PRR15L: variants seen among roughly 807,000 people sequenced by gnomAD.
PRR15L encodes the protein proline-rich protein 15-like protein.
In PRR15L, 1 loss-of-function variant was observed where a neutral mutation model predicts 3.7. The observed-to-expected ratio is 0.27, with a 90% CI of 0.09 to 1.27. The LOEUF (loss-of-function observed/expected upper bound fraction) is 1.27, where lower values mean the gene tolerates loss of function less well. Ranked by LOEUF, PRR15L falls within the 50% of genes most tolerant of loss-of-function variation. The probability of loss-of-function intolerance (pLI) is 0.47; values close to 1 mark genes in which losing one functional copy is unlikely to be tolerated. For missense variants in PRR15L, 127 were observed against 128.7 expected (o/e 0.99, Z 0.06); for synonymous variants, 57 against 51.9 (o/e 1.10, Z -0.42).
rs2036144128 is a variant in PRR15L at position 47,957,641 on chromosome 17, A to G, written c.-30+16T>C. 1 of 152,356 alleles carries G rather than the reference A, an allele frequency of 6.6e-6. No homozygotes were observed. Among genetic ancestry groups the G allele is most frequent in the African/African-American group, 2.4e-5 (1 of 41,462 alleles). 9.4% of individuals were successfully genotyped at this position (152,356 alleles called of 1,614,324 possible). ...CTATGCCTTGGTTTCCCCACCCACC[A>G]GCCCTCTGCCTGTACCTGTAATCCC... On this transcript the variant is annotated intron_variant, in intron 1 of 1. Transcript: ENST00000300557.
chr17:47,955,909 A>G (rs947762730), intron 1 of PRR15L, among the ~76,000 whole-genome samples: 4 of 152,228 alleles, frequency 2.6e-5, no homozygotes, highest in Admixed American at 2.6e-4. Flanking sequence ...TCCTGAGACT[A>G]TCATAACCAC....
intron 1 of PRR15L, among the ~76,000 whole-genome samples, chr17:47,955,463 GT>G (rs2036118759): frequency 6.6e-6 from 1 of 151,896 alleles, no homozygotes; most frequent in African/African-American, 2.4e-5. Context: ...CACACAGCCG[GT>G]GGATTCCTTC....
chr17:47,953,509 A>AAT (rs2036096222), intron 1 of PRR15L, among the ~76,000 whole-genome samples: 1 of 152,000 alleles, frequency 6.6e-6, no homozygotes, highest in African/African-American at 2.4e-5. Flanking sequence ...AAATACAAAA[A>AAT]TTAGCTGGGC....
At chr17:47,955,617 C>T (rs1400124612) in intron 1 of PRR15L, among the ~76,000 whole-genome samples, 2 of 152,228 alleles carry the variant, frequency 1.3e-5, no homozygotes, top group African/African-American at 4.8e-5. Flanking sequence ...TCCATAAATA[C>T]TTCCAGGGCA....
At chr17:47,953,487 C>T (rs1051777746) in intron 1 of PRR15L, among the ~76,000 whole-genome samples, 4 of 151,966 alleles carry the variant, frequency 2.6e-5, no homozygotes, top group South Asian at 4.2e-4. Context: ...GGTGAAATCC[C>T]GGCTCTACTA....
rs397802170 is a variant in PRR15L at position 47,953,283 on chromosome 17, G to GA, written c.-29-21dup. 5 of 1,469,790 alleles carry GA rather than the reference G, an allele frequency of 3.4e-6. No individual in the cohort carries two copies. The highest frequency in any genetic ancestry group is 2.7e-5 in the South Asian group (2 of 74,966). The allele number at this position is 1,469,790 out of a possible 1,614,324, so 91.0% of individuals were successfully genotyped here. Reference sequence around the variant, plus strand: ...GGCTTTCTGCTGGAGCAGGGTGGGGGAGACAAAGGGGTCAGTGGGAAAAGG... The same window carrying GA: ...GGCTTTCTGCTGGAGCAGGGTGGGGGAAGACAAAGGGGTCAGTGGGAAAAGG... On this transcript the variant is annotated intron_variant, in intron 1 of 1. Coordinates refer to ENST00000300557, the MANE Select transcript of PRR15L (RefSeq NM_024320.4).
At chr17:47,957,188 C>T (rs1389644155) in intron 1 of PRR15L, among the ~76,000 whole-genome samples, 1 of 152,248 alleles carries the variant, frequency 6.6e-6, no homozygotes, top group Non-Finnish European at 1.5e-5. Flanking sequence ...AGCCAGGCCC[C>T]TCCTGAGCTG....
intron 1 of PRR15L, among the ~76,000 whole-genome samples, chr17:47,953,681 A>G (rs1475896236): frequency 1.3e-5 from 2 of 151,852 alleles, no homozygotes; most frequent in Non-Finnish European, 2.9e-5. Context: ...AGAAAGAAGA[A>G]GAAGAAGAAG....
At chr17:47,954,934 CTT>C (rs1186644182) in intron 1 of PRR15L, among the ~76,000 whole-genome samples, 11 of 133,620 alleles carry the variant, frequency 8.2e-5, no homozygotes, top group Non-Finnish European at 6.4e-5. Flanking sequence ...TTTTTTTTTT[CTT>C]TTTTTTTTTT....
At position 47,955,369 on chromosome 17, in the gene PRR15L, A is replaced by C. The variant is rs1598207350; in HGVS notation, c.-29-2106T>G. 3.3e-5 allele frequency among the ~76,000 whole-genome samples: 5 copies of C among 152,204 alleles called. No homozygotes were observed. The South Asian group carries it at 1.0e-3, about 32-fold the overall frequency. ...TTTAGGAAAGAGGAGAGCACGACGC[A>C]GGCCTAGACTTTACGATGAGCTGAA... On this transcript the variant is annotated intron_variant, in intron 1 of 1. Coordinates refer to ENST00000300557, the MANE Select transcript of PRR15L (RefSeq NM_024320.4).
chr17:47,953,118 G>T lies in PRR15L; in HGVS notation c.117C>A (p.Pro39=). The T allele has an allele frequency of 6.2e-7, 1 of 1,614,140 alleles. No homozygotes were observed. Among genetic ancestry groups the T allele is most frequent in the Non-Finnish European group, 8.5e-7 (1 of 1,180,016 alleles). ...TGGGGCCTCCAGCGTCAGGCCTCGG[G>T]GGTTCTGCATCTCCCTCTGTTTGGG... ...TYAQTEGDAE[P]PRPDAGGPNS... The change falls in exon 2 of 2, where the codon CCC becomes CCA. Residue 39 remains proline, a synonymous_variant. Coordinates refer to ENST00000300557, the MANE Select transcript of PRR15L (RefSeq NM_024320.4).
At chr17:47,955,432 T>C (rs1367627201) in intron 1 of PRR15L, among the ~76,000 whole-genome samples, 1 of 151,994 alleles carries the variant, frequency 6.6e-6, no homozygotes, top group East Asian at 1.9e-4. Flanking sequence ...GGTCTCCTGC[T>C]CCCCACCCCC....
In PRR15L at chr17:47,952,784, A is replaced by G. The variant is rs2036081693; in HGVS notation, c.*139T>C. On this transcript the variant is annotated 3_prime_UTR_variant, in exon 2 of 2. Transcript: ENST00000300557. ...TGGCGGCACATAAATACAAACCTAA[A>G]AAACAGCCATTTCCTGCCAGCAGGT... 2.3e-6 allele frequency: 2 copies of G among 866,466 alleles called. No homozygotes were observed. Among genetic ancestry groups the G allele is most frequent in the Admixed American group, 2.9e-5 (1 of 34,488 alleles). 53.7% of individuals were successfully genotyped at this position (866,466 alleles called of 1,614,324 possible).
intron 1 of PRR15L, 122 bp from the exon 2 acceptor site, chr17:47,953,385 G>A (rs754356044): frequency 3.4e-5 from 22 of 641,610 alleles, no homozygotes; most frequent in African/African-American, 1.5e-4. Flanking sequence ...AGGGCTGGGC[G>A]TGGTTCTTCA....
At chr17:47,954,546 A>G (rs1383101147) in intron 1 of PRR15L, among the ~76,000 whole-genome samples, 1 of 152,168 alleles carries the variant, frequency 6.6e-6, no homozygotes, top group African/African-American at 2.4e-5. Flanking sequence ...CTCACAGGCC[A>G]TGTGTCCTGC....
chr17:47,954,929 T>A (rs1351271621), intron 1 of PRR15L, among the ~76,000 whole-genome samples: 1 of 144,668 alleles, frequency 6.9e-6, no homozygotes, highest in South Asian at 2.2e-4. Context: ...GTGCCTTTTT[T>A]TTTTCTTTTT....
intron 1 of PRR15L, among the ~76,000 whole-genome samples, chr17:47,955,412 C>T (rs140343090): frequency 6.6e-6 from 1 of 152,120 alleles, no homozygotes; most frequent in African/African-American, 2.4e-5. Flanking sequence ...ATCCATACCC[C>T]TCGTGCTCTG....
rs776652991 is a variant in PRR15L at position 47,952,894 on chromosome 17, C to T, written c.*29G>A. ...TCAGATCTGGCTGATGGCAGGGAGC[C>T]AAGAGGTGCTAGCACCCTCCTCAGC... On this transcript the variant is annotated 3_prime_UTR_variant, in exon 2 of 2. Transcript: ENST00000300557. The T allele has an allele frequency of 2.5e-6, 4 of 1,579,104 alleles. No individual in the cohort carries two copies. In the Admixed American group the frequency reaches 6.9e-5, roughly 27 times the overall value.
intron 1 of PRR15L, 114 bp from the exon 2 acceptor site, chr17:47,953,377 G>A (rs1335054381): frequency 4.5e-6 from 3 of 665,386 alleles, no homozygotes; most frequent in Non-Finnish European, 7.5e-6. Context: ...TTAAATAAAG[G>A]GCTGGGCGTG....
Sources: allele counts gnomAD v4.1 joint callset (sites outside exome capture counted in the v4.1 genomes callset), GRCh38; gene constraint gnomAD v4.1.1; transcripts MANE v1.5; gene names NCBI Gene and HGNC (gene_info 2026-07-23, HGNC 2026-07-21).